NR1D2: variants seen among roughly 807,000 people sequenced by gnomAD.
NR1D2 encodes nuclear receptor subfamily 1 group D member 2.
In NR1D2, 25 loss-of-function variants were observed where a neutral mutation model predicts 52.2. That is an observed-to-expected ratio of 0.48 (90% confidence interval 0.35 to 0.67). The LOEUF (loss-of-function observed/expected upper bound fraction) is 0.67. NR1D2 is among the 30% of genes least tolerant of loss of function. The pLI is 0.01. For synonymous variants in NR1D2, 259 were observed against 230.1 expected, an observed-to-expected ratio of 1.13 and a Z score of -1.14; for missense variants, 681 against 707.2, an observed-to-expected ratio of 0.96 and a Z score of 0.42.
Position 23,977,506 on chromosome 3 carries a change from A to C in NR1D2, c.*87A>C. 1 of 826,582 alleles carries C rather than the reference A, an allele frequency of 1.2e-6. No homozygotes were observed. Among genetic ancestry groups the C allele is most frequent in the East Asian group, 2.6e-5 (1 of 38,064 alleles). 51.2% of individuals were successfully genotyped at this position (826,582 alleles called of 1,614,324 possible). A position where few individuals can be genotyped will look rare whatever the true frequency, so the allele number is the denominator to read the frequency against. The stretch of plus-strand genomic sequence containing the variant: ...TTATATGTGTATACCATATGTGGAG[A>C]TAGAAAAGACCTTTAAGACAATAAA... On this transcript the variant is annotated 3_prime_UTR_variant, in exon 8 of 8. Transcript: ENST00000312521.
In NR1D2 at chr3:23,972,001, A is replaced by T. The variant is rs182853823; in HGVS notation, c.1543+3978A>T. ...TCTTCTCCAAACCTCTGCACCTTGAATCAGGGAACAAATGGATAGTTTATT... is the reference window on the plus strand; with the variant it reads ...TCTTCTCCAAACCTCTGCACCTTGATTCAGGGAACAAATGGATAGTTTATT... On this transcript the variant is annotated intron_variant, in intron 7 of 7. Transcript: ENST00000312521. Among the ~76,000 whole-genome samples, 7 of 152,350 alleles carry T rather than the reference A, an allele frequency of 4.6e-5. No individual in the cohort carries two copies. In the East Asian group the frequency reaches 1.3e-3, roughly 29 times the overall value.
intron 1 of NR1D2, among the ~76,000 whole-genome samples, chr3:23,954,256 C>T (rs773681328): frequency 7.2e-5 from 11 of 152,210 alleles, no homozygotes; most frequent in Non-Finnish European, 1.3e-4. Flanking sequence ...CGACAATCCT[C>T]CCACCTCAGC....
In NR1D2 at chr3:23,946,154, G is replaced by A. The variant is rs1000066365; in HGVS notation, c.16+560G>A. ...CCCCGCGGGGTTGCACACTGCGGAG[G>A]AGGCCGCGCGTGCGCGCCCGCTGAG... On this transcript the variant is annotated intron_variant, in intron 1 of 7. Coordinates refer to ENST00000312521, the MANE Select transcript of NR1D2 (RefSeq NM_005126.5). 4.1e-5 allele frequency: 40 copies of A among 985,204 alleles called. No individual in the cohort carries two copies. In the African/African-American group the frequency reaches 5.4e-4, roughly 13 times the overall value. 61.0% of individuals were successfully genotyped at this position (985,204 alleles called of 1,614,324 possible). A position where few individuals can be genotyped will look rare whatever the true frequency, so the allele number is the denominator to read the frequency against.
At chr3:23,974,790 TC>T (rs1307950216) in intron 7 of NR1D2, among the ~76,000 whole-genome samples, 1 of 149,646 alleles carries the variant, frequency 6.7e-6, no homozygotes, top group East Asian at 2.0e-4. Flanking sequence ...ATTGTGACCC[TC>T]CCCCTACCCC....
At chr3:23,949,178 T>A (rs541838227) in intron 1 of NR1D2, among the ~76,000 whole-genome samples, 3 of 152,176 alleles carry the variant, frequency 2.0e-5, no homozygotes, top group East Asian at 3.9e-4. Flanking sequence ...CCAGCCTGGC[T>A]AACATGTGAA....
chr3:23,956,082 C>T lies in NR1D2; in HGVS notation c.329C>T (p.Ala110Val), dbSNP rs1706074546. ...CTGTGTAAAGTCTGTGGGGATGTGGCGTCAGGATTCCACTATGGAGTTCAT... is the reference window on the plus strand; with the variant it reads ...CTGTGTAAAGTCTGTGGGGATGTGGTGTCAGGATTCCACTATGGAGTTCAT... ...VLLCKVCGDV[A>V]SGFHYGVHAC... Residue 110 changes from alanine (A) to valine (V), a missense_variant, in exon 3 of 8, where the codon GCG (alanine) becomes GTG (valine). This residue lies in a region of NR1D2 where 112 missense variants were observed against 162.3 expected (regional missense o/e 0.69). Coordinates refer to ENST00000312521, the MANE Select transcript of NR1D2 (RefSeq NM_005126.5). 3.1e-6 allele frequency: 5 copies of T among 1,613,876 alleles called. No homozygotes were observed. The highest frequency in any genetic ancestry group is 4.2e-6 in the Non-Finnish European group (5 of 1,179,874).
chr3:23,974,088 CTTTT>C (rs60587118), intron 7 of NR1D2, among the ~76,000 whole-genome samples: 5 of 79,506 alleles, frequency 6.3e-5, no homozygotes, highest in African/African-American at 2.1e-4. Flanking sequence ...TTACAGTTAC[CTTTT>C]TTTTTTTTTT....
At chr3:23,969,268 A>G (rs1706527403) in intron 7 of NR1D2, among the ~76,000 whole-genome samples, 1 of 152,156 alleles carries the variant, frequency 6.6e-6, no homozygotes, top group African/African-American at 2.4e-5. Flanking sequence ...AGCTTGGGTG[A>G]CAGAGCGAGA....
chr3:23,962,972 T>C (rs1398731970), intron 5 of NR1D2, among the ~76,000 whole-genome samples: 2 of 152,066 alleles, frequency 1.3e-5, no homozygotes, highest in Non-Finnish European at 2.9e-5. Context: ...GCCGAACTTT[T>C]CGCTTGCCAT....
At chr3:23,961,393 T>C (rs202168333) in intron 4 of NR1D2, among the ~76,000 whole-genome samples, 37 of 141,902 alleles carry the variant, frequency 2.6e-4, no homozygotes, top group Middle Eastern at 6.9e-3. Flanking sequence ...TTCTTTCTTT[T>C]TTTTTTTTTT....
rs781764499 is a variant in NR1D2, at chr3:23,967,934, C to G, written c.1454C>G (p.Ser485Cys). The G allele has an allele frequency of 5.0e-6, 8 of 1,613,924 alleles. No individual in the cohort carries two copies. In the African/African-American group the frequency reaches 5.3e-5, roughly 11 times the overall value. Residue 485 changes from serine to cysteine, a missense_variant, in exon 7 of 8, where the codon TCT (serine) becomes TGT (cysteine). Coordinates refer to ENST00000312521, the MANE Select transcript of NR1D2 (RefSeq NM_005126.5). ...HSMGAGDLLNSMFEFSEKLNA... is the reference protein window; with the variant it reads ...HSMGAGDLLNCMFEFSEKLNA... ...ATGGGAGCAGGGGATCTGCTAAACT[C>G]TATGTTTGAATTTAGTGAGAAGCTA...
chr3:23,963,943 T>A (rs1706367618), intron 5 of NR1D2, among the ~76,000 whole-genome samples: 1 of 151,410 alleles, frequency 6.6e-6, no homozygotes, highest in South Asian at 2.1e-4. Flanking sequence ...TTTAATAACT[T>A]CTTGGCTTCC....
intron 7 of NR1D2, among the ~76,000 whole-genome samples, chr3:23,976,958 C>G (rs938297351): frequency 6.6e-6 from 1 of 151,996 alleles, no homozygotes; most frequent in African/African-American, 2.4e-5. Flanking sequence ...GTCAGAACCT[C>G]TATGTTCTTG....
At chr3:23,971,461 G>A (rs1361961755) in intron 7 of NR1D2, among the ~76,000 whole-genome samples, 5 of 151,752 alleles carry the variant, frequency 3.3e-5, no homozygotes, top group African/African-American at 1.2e-4. Context: ...TAGAGACAGG[G>A]TTTCGTCGTG....
At chr3:23,980,611 TAACC>T (rs1706850271) in exon 8 of NR1D2, 1 of 152,120 alleles carries the variant, frequency 6.6e-6, no homozygotes, top group Non-Finnish European at 1.5e-5. Flanking sequence ...TAAATATTTC[TAACC>T]AACTGTGGTG....
rs1399762839 is a variant in NR1D2 at position 23,979,019 on chromosome 3, G to T, written c.*1600G>T. ...AAGATTGCCTTCTGTATAATGTTTG[G>T]ATTATATAAAATTGCAAAAATGATA... On this transcript the variant is annotated 3_prime_UTR_variant, in exon 8 of 8. Transcript: ENST00000312521. 6.6e-6 allele frequency: 1 copy of T among 151,954 alleles called. No homozygotes were observed. The highest frequency in any genetic ancestry group is 2.4e-5 in the African/African-American group (1 of 41,372). The allele number at this position is 151,954 out of a possible 1,614,324, so 9.4% of individuals were successfully genotyped here. A position where few individuals can be genotyped will look rare whatever the true frequency, so the allele number is the denominator to read the frequency against.
At chr3:23,963,510 C>T (rs1265962354) in intron 5 of NR1D2, 14 of 547,638 alleles carry the variant, frequency 2.6e-5, no homozygotes, top group Admixed American at 6.4e-5. Context: ...AGTGCGGTGG[C>T]GCGACCTCAG....
At chr3:23,961,829 G>C (rs1455398374) in intron 4 of NR1D2, 148 bp from the exon 5 acceptor site, 1 of 737,354 alleles carries the variant, frequency 1.4e-6, no homozygotes, top group Non-Finnish European at 2.1e-6. Flanking sequence ...AGACCAGCAA[G>C]TTTAGAAAAA....
At chr3:23,948,572 AATG>A (rs1397191840) in intron 1 of NR1D2, among the ~76,000 whole-genome samples, 1 of 152,168 alleles carries the variant, frequency 6.6e-6, no homozygotes, top group Non-Finnish European at 1.5e-5. Context: ...CTTCTAGTAT[AATG>A]ATGACAAAAA....
Sources: allele counts gnomAD v4.1 joint callset (sites outside exome capture counted in the v4.1 genomes callset), GRCh38; gene constraint gnomAD v4.1.1; regional missense constraint gnomAD v4.1.1; transcripts MANE v1.5; gene names NCBI Gene and HGNC (gene_info 2026-07-23, HGNC 2026-07-21).